Variants in DNAH9 observed in about 807,000 individuals in gnomAD.
DNAH9 encodes the protein dynein axonemal heavy chain 9, also known as DNAH9 variant protein.
Under a neutral mutation model 471.6 loss-of-function variants are expected in DNAH9, and 345 were observed. The observed-to-expected ratio is 0.73, with a 90% CI of 0.67 to 0.80. The LOEUF (loss-of-function observed/expected upper bound fraction) is 0.80. Ranked by LOEUF, DNAH9 falls within the 30% of genes least tolerant of loss-of-function variation. DNAH9 has a pLI of 0.00. For synonymous variants in DNAH9, 2,093 were observed against 2,123.6 expected, an observed-to-expected ratio of 0.99 and a Z score of 0.40; for missense variants, 5,407 against 5,609.2, an observed-to-expected ratio of 0.96 and a Z score of 1.15.
rs140324358 is a variant in DNAH9 at position 11,818,885 on chromosome 17, CTATTAT to C, written c.8708-3012_8708-3007del. Among the ~76,000 whole-genome samples, 1,406 of 147,204 alleles carry C rather than the reference CTATTAT, an allele frequency of 9.6e-3. 9 individuals are homozygous for C. The highest frequency in any genetic ancestry group is 0.012 in the African/African-American group (469 of 40,430). On this transcript the variant is annotated intron_variant, in intron 45 of 68. Transcript: ENST00000262442. The stretch of plus-strand genomic sequence containing the variant: ...ACATCACAGTCTGTCTCCATTATTA[CTATTAT>C]TATTATTATTATTATTATTATTTGC...
At chr17:11,789,350 A>G (rs1232478695) in intron 41 of DNAH9, among the ~76,000 whole-genome samples, 2 of 152,074 alleles carry the variant, frequency 1.3e-5, no homozygotes, top group African/African-American at 4.8e-5. Flanking sequence ...GAGGTTTTAA[A>G]TTATAAATTC....
At chr17:11,836,758 A>G (rs557803358) in intron 49 of DNAH9, among the ~76,000 whole-genome samples, 2 of 152,344 alleles carry the variant, frequency 1.3e-5, no homozygotes, top group South Asian at 4.1e-4. Context: ...TGATTTCCAG[A>G]ACACAAAAGA....
chr17:11,872,284 A>G (rs948719445), intron 52 of DNAH9, among the ~76,000 whole-genome samples: 3 of 151,574 alleles, frequency 2.0e-5, no homozygotes, highest in African/African-American at 7.3e-5. Context: ...AGCTGCTCAC[A>G]TGCTTCTTAT....
chr17:11,882,986 G>T, intron 55 of DNAH9: 1 of 985,518 alleles, frequency 1.0e-6, no homozygotes, highest in Non-Finnish European at 1.2e-6. Flanking sequence ...TCCAAAGGCT[G>T]TACAAGGGCA....
Position 11,891,794 on chromosome 17 carries a change from C to T in DNAH9, c.11130C>T (p.Phe3710=). 3.1e-6 allele frequency: 5 copies of T among 1,614,084 alleles called. No individual in the cohort carries two copies. The highest frequency in any genetic ancestry group is 4.2e-6 in the Non-Finnish European group (5 of 1,180,006). The change falls in exon 58 of 69, where the codon TTC becomes TTT. Residue 3710 remains phenylalanine, a synonymous_variant. Coordinates refer to ENST00000262442, the MANE Select transcript of DNAH9 (RefSeq NM_001372.4). ...GTCCCCAGGCCTTCAGTATCGTCTT[C>T]CAGAAGGCTGTGGAGAGGGCTGCTC... The part of the protein sequence containing the change: ...QFSLKAFSIV[F]QKAVERAAPD...
chr17:11,668,987 G>A (rs947607513), intron 15 of DNAH9, 77 bp from the exon 16 acceptor site: 1 of 998,000 alleles, frequency 1.0e-6, no homozygotes, highest in African/African-American at 1.6e-5. Flanking sequence ...ATTGCTCTGG[G>A]TGCTTTTAAA....
In DNAH9 at chr17:11,937,854, T is replaced by G. The variant is rs532933891; in HGVS notation, c.12660+332T>G. On this transcript the variant is annotated intron_variant, in intron 66 of 68. Transcript: ENST00000262442. The surrounding 1 kb of genome is among the most constrained non-coding windows in gnomAD (Gnocchi z 4.1). ...ACAGTGGTGGCTTGGGAACCTTGAA[T>G]GTGACTTCTTGATCCCCTGGCAAAC... Among the ~76,000 whole-genome samples, 14 of 152,342 alleles carry G rather than the reference T, an allele frequency of 9.2e-5. 1 individual carries two copies. The highest frequency in any genetic ancestry group is 3.4e-4 in the African/African-American group (14 of 41,578).
At chr17:11,956,769 T>C (rs1279570024) in intron 67 of DNAH9, among the ~76,000 whole-genome samples, 1 of 151,778 alleles carries the variant, frequency 6.6e-6, no homozygotes, top group Non-Finnish European at 1.5e-5. Flanking sequence ...TGGTAACAAT[T>C]AGCTAAAGCA....
At chr17:11,791,897 G>A (rs1969079314) in intron 41 of DNAH9, among the ~76,000 whole-genome samples, 1 of 152,096 alleles carries the variant, frequency 6.6e-6, no homozygotes, top group Non-Finnish European at 1.5e-5. Flanking sequence ...CAAAGCAAAA[G>A]GCATGAAGAC....
At chr17:11,957,792 T>C (rs1049534721) in intron 67 of DNAH9, among the ~76,000 whole-genome samples, 7 of 152,240 alleles carry the variant, frequency 4.6e-5, no homozygotes, top group Admixed American at 2.0e-4. Flanking sequence ...ACTGTATCAA[T>C]GTCAGTATCT....
intron 48 of DNAH9, among the ~76,000 whole-genome samples, chr17:11,824,560 G>A (rs551880965): frequency 6.6e-6 from 1 of 152,070 alleles, no homozygotes; most frequent in South Asian, 2.1e-4. Context: ...CTTTCATCCT[G>A]TTGGCTTTTT....
chr17:11,722,536 G>A (rs1051558904), intron 27 of DNAH9, among the ~76,000 whole-genome samples: 8 of 152,178 alleles, frequency 5.3e-5, no homozygotes, highest in Non-Finnish European at 1.2e-4. Flanking sequence ...TCGGGAATAT[G>A]GGCAGGCAGT....
At chr17:11,926,735 T>C (rs1384352899) in intron 62 of DNAH9, among the ~76,000 whole-genome samples, 5 of 152,236 alleles carry the variant, frequency 3.3e-5, no homozygotes, top group Non-Finnish European at 7.3e-5. Flanking sequence ...CATGTATCTT[T>C]ATAATAAAAT....
At chr17:11,893,043 T>C (rs1973101408) in intron 58 of DNAH9, among the ~76,000 whole-genome samples, 1 of 151,916 alleles carries the variant, frequency 6.6e-6, no homozygotes, top group South Asian at 2.1e-4. Context: ...AAGTCAGATA[T>C]CCCATCATCA....
intron 67 of DNAH9, among the ~76,000 whole-genome samples, chr17:11,954,814 GA>G (rs1975558002): frequency 6.8e-6 from 1 of 146,496 alleles, no homozygotes; most frequent in Non-Finnish European, 1.5e-5. Flanking sequence ...TTCTTAGAAA[GA>G]AAGAAAATGA....
At chr17:11,925,709 G>T (rs928967722) in intron 62 of DNAH9, among the ~76,000 whole-genome samples, 5 of 152,116 alleles carry the variant, frequency 3.3e-5, no homozygotes, top group African/African-American at 1.2e-4. Context: ...TCAAAATCTT[G>T]TGCTGATGTG....
intron 14 of DNAH9, among the ~76,000 whole-genome samples, chr17:11,658,366 A>C (rs1343368832): frequency 2.0e-5 from 3 of 152,124 alleles, no homozygotes; most frequent in Non-Finnish European, 4.4e-5. Context: ...TTTTGATATT[A>C]TATTCCGTGA....
chr17:11,844,795 G>T (rs1371359878), intron 49 of DNAH9, among the ~76,000 whole-genome samples: 2 of 152,218 alleles, frequency 1.3e-5, no homozygotes, highest in East Asian at 3.9e-4. Flanking sequence ...AAGGTATGAA[G>T]GTTTGTTGTA....
chr17:11,964,790 A>G (rs781496975), intron 68 of DNAH9, among the ~76,000 whole-genome samples: 1 of 152,166 alleles, frequency 6.6e-6, no homozygotes, highest in Non-Finnish European at 1.5e-5. Context: ...CAGTGAAACC[A>G]GTAGCCTGGA....
Sources: gnomAD v4.1 joint callset for allele counts (sites outside exome capture counted in the v4.1 genomes callset) on GRCh38, gnomAD v4.1.1 for gene constraint, Gnocchi (gnomAD v3.1) non-coding constraint, MANE v1.5 for transcripts, NCBI Gene and HGNC (gene_info 2026-07-23, HGNC 2026-07-21) for gene names.